Variants in LRRC3B observed in about 807,000 individuals in gnomAD.
LRRC3B encodes leucine rich repeat containing 3B.
Under a neutral mutation model 12.8 loss-of-function variants are expected in LRRC3B, and 2 were observed. The ratio of observed to expected loss-of-function variants is 0.16; its 90% confidence interval spans 0.06 to 0.49. LRRC3B has a LOEUF of 0.49. Ranked by LOEUF, LRRC3B falls within the 20% of genes least tolerant of loss-of-function variation. The probability of loss-of-function intolerance (pLI) is 0.96; values close to 1 mark genes in which losing one functional copy is unlikely to be tolerated. For missense variants in LRRC3B, 189 were observed against 319.4 expected, an observed-to-expected ratio of 0.59 and a Z score of 3.11; for synonymous variants, 132 against 122.0, an observed-to-expected ratio of 1.08 and a Z score of -0.54.
At chr3:26,642,218 A>T (rs1223948447) in intron 1 of LRRC3B, among the ~76,000 whole-genome samples, 1 of 152,212 alleles carries the variant, frequency 6.6e-6, no homozygotes, top group Non-Finnish European at 1.5e-5. Context: ...AAGAATAAAA[A>T]AGGCAAATCA....
At chr3:26,688,636 C>A (rs551064898) in intron 1 of LRRC3B, among the ~76,000 whole-genome samples, 2 of 152,148 alleles carry the variant, frequency 1.3e-5, no homozygotes, top group Non-Finnish European at 2.9e-5. Flanking sequence ...CACTTTTCAA[C>A]AACCAGATCT....
intron 1 of LRRC3B, among the ~76,000 whole-genome samples, chr3:26,703,472 A>G (rs1193743218): frequency 1.3e-5 from 2 of 152,064 alleles, no homozygotes; most frequent in Non-Finnish European, 2.9e-5. Flanking sequence ...AGTGGGAAAA[A>G]AGGAAGACTT....
chr3:26,709,059 G>A (rs931306012), intron 1 of LRRC3B, among the ~76,000 whole-genome samples: 3 of 152,190 alleles, frequency 2.0e-5, no homozygotes, highest in African/African-American at 7.2e-5. Flanking sequence ...CCATTCAAAA[G>A]CCATGACAGA....
At chr3:26,689,946 G>A (rs908383941) in intron 1 of LRRC3B, among the ~76,000 whole-genome samples, 1 of 152,196 alleles carries the variant, frequency 6.6e-6, no homozygotes, top group Non-Finnish European at 1.5e-5. Context: ...AATGCTCAGG[G>A]TGGATTGTGC....
chr3:26,667,586 A>T (rs899144841), intron 1 of LRRC3B, among the ~76,000 whole-genome samples: 1 of 152,164 alleles, frequency 6.6e-6, no homozygotes, highest in Non-Finnish European at 1.5e-5. Context: ...AGGGCTGGTG[A>T]AGCTCCTGTC....
At chr3:26,704,037 T>C (rs946926740) in intron 1 of LRRC3B, among the ~76,000 whole-genome samples, 1 of 152,080 alleles carries the variant, frequency 6.6e-6, no homozygotes, top group Non-Finnish European at 1.5e-5. Context: ...CAATTCCTCT[T>C]CTCCCCCTGA....
In LRRC3B at chr3:26,693,355, T is replaced by G. The variant is rs554855851; in HGVS notation, c.-160-16158T>G. Among the ~76,000 whole-genome samples, 34 of 133,890 alleles carry G rather than the reference T, an allele frequency of 2.5e-4. 1 individual carries two copies. In the South Asian group the frequency reaches 8.5e-3, roughly 33 times the overall value. 87.8% of individuals were successfully genotyped at this position (133,890 alleles called of 152,430 possible). On this transcript the variant is annotated intron_variant, in intron 1 of 1. Coordinates refer to ENST00000396641, the Ensembl canonical transcript of LRRC3B. ...AAAAAAAAAAAAAAAAAAAAAAAGA[T>G]CAAGAGCAGGAACATGCAAGACCTT...
intron 1 of LRRC3B, among the ~76,000 whole-genome samples, chr3:26,685,515 CTCTCTCTCTATATATATA>C (rs1445910319): frequency 0.011 from 597 of 53,698 alleles, 2 homozygotes; most frequent in African/African-American, 0.017. Flanking sequence ...CTCTCTCTCT[CTCTCTCTCTATATATATA>C]TATATATATA....
At chr3:26,690,017 C>G (rs1290236501) in intron 1 of LRRC3B, among the ~76,000 whole-genome samples, 1 of 152,184 alleles carries the variant, frequency 6.6e-6, no homozygotes, top group Non-Finnish European at 1.5e-5. Context: ...TGGTTCCCCA[C>G]CACCTTCTTC....
chr3:26,710,495 C>G (rs374112766), exon 2 of LRRC3B: 32 of 1,496,802 alleles, frequency 2.1e-5, no homozygotes, highest in African/African-American at 2.8e-5. Context: ...AAGTAGTTTG[C>G]GATTGCAGTA....
At chr3:26,682,342 C>A (rs1699989610) in intron 1 of LRRC3B, among the ~76,000 whole-genome samples, 1 of 152,140 alleles carries the variant, frequency 6.6e-6, no homozygotes, top group South Asian at 2.1e-4. Flanking sequence ...CTCATTACTG[C>A]CACCTTTTTC....
chr3:26,708,315 T>G (rs1357205157), intron 1 of LRRC3B, among the ~76,000 whole-genome samples: 1 of 152,208 alleles, frequency 6.6e-6, no homozygotes, highest in African/African-American at 2.4e-5. Context: ...TGGAACAGTA[T>G]TCATAGCATA....
At chr3:26,624,259 A>G (rs1262274709) in intron 1 of LRRC3B, 1 of 152,274 alleles carries the variant, frequency 6.6e-6, no homozygotes, top group African/African-American at 2.4e-5. Context: ...GAATGGTCAG[A>G]TCGTGGACTA....
At chr3:26,689,419 C>G (rs1484033402) in intron 1 of LRRC3B, among the ~76,000 whole-genome samples, 23 of 152,214 alleles carry the variant, frequency 1.5e-4, no homozygotes, top group Admixed American at 1.5e-3. Context: ...CTCACAGAAT[C>G]TGACCTCCTT....
chr3:26,641,690 G>A (rs1699034755), intron 1 of LRRC3B, among the ~76,000 whole-genome samples: 1 of 152,002 alleles, frequency 6.6e-6, no homozygotes, highest in African/African-American at 2.4e-5. Context: ...ATGACCTTGA[G>A]GAGTTTTATC....
chr3:26,686,229 G>A (rs952147238), intron 1 of LRRC3B, among the ~76,000 whole-genome samples: 2 of 151,948 alleles, frequency 1.3e-5, no homozygotes, highest in Non-Finnish European at 2.9e-5. Flanking sequence ...ACAGGTGCCC[G>A]CCACCACGCC....
chr3:26,643,304 G>A (rs1264968520), intron 1 of LRRC3B, among the ~76,000 whole-genome samples: 2 of 151,754 alleles, frequency 1.3e-5, no homozygotes, highest in Non-Finnish European at 2.9e-5. Flanking sequence ...ATATATATGT[G>A]GTTGTATGAA....
At chr3:26,656,178 G>GCCGCTGCCACTT (rs1699368771) in intron 1 of LRRC3B, among the ~76,000 whole-genome samples, 1 of 152,174 alleles carries the variant, frequency 6.6e-6, no homozygotes, top group African/African-American at 2.4e-5. Flanking sequence ...TGCTGCCACT[G>GCCGCTGCCACTT]CCACTGCCAC....
intron 1 of LRRC3B, among the ~76,000 whole-genome samples, chr3:26,659,319 C>T (rs1316788220): frequency 1.3e-5 from 2 of 152,188 alleles, no homozygotes; most frequent in African/African-American, 4.8e-5. Context: ...CTCACACACT[C>T]AAATACTCAT....
Sources: gnomAD v4.1 joint callset for allele counts (sites outside exome capture counted in the v4.1 genomes callset) on GRCh38, gnomAD v4.1.1 for gene constraint, MANE v1.5 for transcripts, NCBI Gene and HGNC (gene_info 2026-07-23, HGNC 2026-07-21) for gene names.